The following OCA2 variants were observed in gnomAD, a reference collection of about 807,000 sequenced individuals.
OCA2 encodes P protein.
Under a neutral mutation model 100.2 loss-of-function variants are expected in OCA2, and 77 were observed. The observed-to-expected ratio is 0.77, with a 90% CI of 0.64 to 0.93. The LOEUF is 0.93. Ranked by LOEUF, OCA2 falls within the 40% of genes least tolerant of loss-of-function variation. The probability of loss-of-function intolerance (pLI) is 0.00; values close to 1 mark genes in which losing one functional copy is unlikely to be tolerated. For synonymous variants in OCA2, 432 were observed against 439.2 expected, an observed-to-expected ratio of 0.98 and a Z score of 0.21; for missense variants, 1,062 against 1,089.1, an observed-to-expected ratio of 0.98 and a Z score of 0.35.
At chr15:27,884,321 A>T (rs947865793) in intron 19 of OCA2, among the ~76,000 whole-genome samples, 2 of 152,186 alleles carry the variant, frequency 1.3e-5, no homozygotes, top group African/African-American at 4.8e-5. Context: ...GTTGCAGTGA[A>T]CCGAAATCGC....
chr15:27,943,671 T>TAAAA (rs66644405), intron 18 of OCA2, among the ~76,000 whole-genome samples: 11,355 of 114,530 alleles, frequency 0.099, 1,694 homozygotes, highest in East Asian at 0.84. Flanking sequence ...AAGTATAATT[T>TAAAA]AAAAAAAAAA....
At chr15:28,001,297 T>A (rs2041917240) in intron 9 of OCA2, among the ~76,000 whole-genome samples, 1 of 151,896 alleles carries the variant, frequency 6.6e-6, no homozygotes, top group African/African-American at 2.4e-5. Context: ...ACAAATAGAA[T>A]ATTATTCACC....
chr15:27,756,628 G>A (rs1004029417), intron 23 of OCA2, among the ~76,000 whole-genome samples: 3 of 152,162 alleles, frequency 2.0e-5, no homozygotes, highest in South Asian at 2.1e-4. Context: ...CACAACCCAC[G>A]ACAGTGTCTG....
At chr15:28,013,546 G>T (rs1169944878) in intron 9 of OCA2, among the ~76,000 whole-genome samples, 2 of 152,148 alleles carry the variant, frequency 1.3e-5, no homozygotes, top group Non-Finnish European at 2.9e-5. Context: ...TAAGCTGAGG[G>T]TGACCATCTA....
At chr15:27,770,481 G>A (rs2031640318) in intron 23 of OCA2, among the ~76,000 whole-genome samples, 1 of 152,000 alleles carries the variant, frequency 6.6e-6, no homozygotes, top group Admixed American at 6.6e-5. Flanking sequence ...CCCTGGAGAA[G>A]CGACCACCTC....
intron 14 of OCA2, among the ~76,000 whole-genome samples, chr15:27,971,011 T>C (rs746705353): frequency 1.5e-4 from 22 of 147,022 alleles, no homozygotes; most frequent in Non-Finnish European, 2.7e-4. Flanking sequence ...TGCCCCAGCA[T>C]GCAAGGCATG....
At chr15:27,800,996 C>G (rs2033578486) in intron 23 of OCA2, among the ~76,000 whole-genome samples, 1 of 152,002 alleles carries the variant, frequency 6.6e-6, no homozygotes, top group Non-Finnish European at 1.5e-5. Flanking sequence ...AATCATAATG[C>G]AAAACCTTCC....
intron 2 of OCA2, among the ~76,000 whole-genome samples, chr15:28,079,614 C>T (rs932506759): frequency 5.9e-5 from 9 of 152,202 alleles, no homozygotes; most frequent in East Asian, 3.9e-4. Flanking sequence ...CTTGAGGCTG[C>T]GGTTCCCTGT....
At chr15:27,828,262 C>T (rs1288284001) in intron 23 of OCA2, among the ~76,000 whole-genome samples, 2 of 152,146 alleles carry the variant, frequency 1.3e-5, no homozygotes, top group African/African-American at 2.4e-5. Context: ...CTGTCCCTGT[C>T]GGGGACTTAT....
At chr15:27,908,915 ATGG>A (rs1567091645) in intron 19 of OCA2, among the ~76,000 whole-genome samples, 1 of 152,204 alleles carries the variant, frequency 6.6e-6, no homozygotes, top group African/African-American at 2.4e-5. Flanking sequence ...TAGTTAGATA[ATGG>A]TGGGAATACT....
At chr15:27,920,018 G>A (rs2038800840) in intron 19 of OCA2, among the ~76,000 whole-genome samples, 1 of 152,090 alleles carries the variant, frequency 6.6e-6, no homozygotes. Flanking sequence ...TATCAGCAAA[G>A]ACAGATGCCT....
At chr15:27,879,017 C>T (rs57525611) in intron 19 of OCA2, among the ~76,000 whole-genome samples, 64,040 of 151,814 alleles carry the variant, frequency 0.42, 15,367 homozygotes, top group African/African-American at 0.63. Context: ...CCCCTTTTCC[C>T]CCTTGACAGG....
chr15:27,746,183 C>G, the OCA2 span, among the ~76,000 whole-genome samples: 1 of 152,130 alleles, frequency 6.6e-6, no homozygotes, highest in African/African-American at 2.4e-5. Flanking sequence ...TTTGGCTGGA[C>G]GCAGTGGCTC....
At chr15:27,903,395 C>G (rs1416517538) in intron 19 of OCA2, among the ~76,000 whole-genome samples, 3 of 152,230 alleles carry the variant, frequency 2.0e-5, no homozygotes, top group Non-Finnish European at 4.4e-5. Context: ...GGGGACCCTG[C>G]CTCAGAAAGT....
At chr15:27,747,031 C>G in the OCA2 span, among the ~76,000 whole-genome samples, 3 of 152,224 alleles carry the variant, frequency 2.0e-5, no homozygotes, top group Non-Finnish European at 4.4e-5. Flanking sequence ...AAACTTATCA[C>G]TCCTAAATGT....
intron 21 of OCA2, among the ~76,000 whole-genome samples, chr15:27,863,674 G>C (rs898218664): frequency 6.6e-6 from 1 of 152,028 alleles, no homozygotes; most frequent in Non-Finnish European, 1.5e-5. Context: ...CCTGGGTCTC[G>C]CCTCCAAATC....
At chr15:27,800,457 A>G (rs2033548877) in intron 23 of OCA2, among the ~76,000 whole-genome samples, 1 of 152,208 alleles carries the variant, frequency 6.6e-6, no homozygotes, top group Non-Finnish European at 1.5e-5. Flanking sequence ...AATGATCAGA[A>G]AAAAATACAG....
Position 27,997,377 on chromosome 15 carries a change from G to A in OCA2, c.1045-6730C>T, listed in dbSNP as rs543141998. On this transcript the variant is annotated intron_variant, in intron 9 of 23. Coordinates refer to ENST00000354638, the MANE Select transcript of OCA2 (RefSeq NM_000275.3). Reference sequence around the variant, plus strand: ...GTATAAGGTGTAAGGAAGGGATCCAGTTTCGGCTTTCTACATATGGCTAGC... The same window carrying A: ...GTATAAGGTGTAAGGAAGGGATCCAATTTCGGCTTTCTACATATGGCTAGC... Among the ~76,000 whole-genome samples the A allele has an allele frequency of 4.6e-5, 7 of 151,672 alleles. No homozygotes were observed. In the East Asian group the frequency reaches 1.4e-3, roughly 30 times the overall value.
chr15:27,764,401 T>G (rs2031093232), intron 23 of OCA2, among the ~76,000 whole-genome samples: 1 of 152,160 alleles, frequency 6.6e-6, no homozygotes, highest in South Asian at 2.1e-4. Flanking sequence ...GAAAGAGCCC[T>G]TATCTCATAA....
Sources: allele counts gnomAD v4.1 joint callset (sites outside exome capture counted in the v4.1 genomes callset), GRCh38; gene constraint gnomAD v4.1.1; transcripts MANE v1.5; gene names NCBI Gene and HGNC (gene_info 2026-07-23, HGNC 2026-07-21).